SCAP: variants seen among roughly 807,000 people sequenced by gnomAD.
SCAP encodes the protein SREBF chaperone.
SCAP carries 65 observed loss-of-function variants against 123.6 expected under a neutral mutation model. The ratio of observed to expected loss-of-function variants is 0.53; its 90% confidence interval spans 0.43 to 0.65. The LOEUF (loss-of-function observed/expected upper bound fraction) is 0.65. SCAP is among the 30% of genes least tolerant of loss of function. The probability of loss-of-function intolerance (pLI) is 0.00; values close to 1 mark genes in which losing one functional copy is unlikely to be tolerated. For synonymous variants in SCAP, 740 were observed against 726.3 expected (o/e 1.02, Z -0.30); for missense variants, 1,398 against 1,712.5 (o/e 0.82, Z 3.24).
intron 1 of SCAP, among the ~76,000 whole-genome samples, chr3:47,464,134 G>C (rs555783498): frequency 6.6e-6 from 1 of 152,244 alleles, no homozygotes; most frequent in South Asian, 2.1e-4. Context: ...TCCTGCCTTA[G>C]CCTCCTGAGT....
rs1559554776 is a variant in SCAP at position 47,439,515 on chromosome 3, ACT to A, written c.122+3355_122+3356del. 6.6e-6 allele frequency among the ~76,000 whole-genome samples: 1 copy of A among 152,016 alleles called. No individual in the cohort carries two copies. The highest frequency in any genetic ancestry group is 1.5e-5 in the Non-Finnish European group (1 of 67,992). ...ATCAAATGTCTCAATGATTCACATC[ACT>A]CTCTGACCTGCACATAGGGCAGTCC... On this transcript the variant is annotated intron_variant, in intron 2 of 22. Transcript: ENST00000265565. The surrounding 1 kb of genome is among the most constrained non-coding windows in gnomAD (Gnocchi z 4.0).
intron 13 of SCAP, 108 bp from the exon 14 acceptor site, chr3:47,418,951 C>T (rs1705771503): frequency 1.5e-5 from 18 of 1,177,452 alleles, no homozygotes; most frequent in Admixed American, 9.3e-5. Context: ...TCAGCTCCAC[C>T]GGCCAGACTC....
At chr3:47,448,021 A>C (rs1271866159) in intron 1 of SCAP, among the ~76,000 whole-genome samples, 4 of 151,424 alleles carry the variant, frequency 2.6e-5, no homozygotes, top group African/African-American at 4.8e-5. Context: ...AAAAAAAAAA[A>C]AAAAAAAAAA....
chr3:47,435,161 A>T (rs1706519250), intron 2 of SCAP, 24 bp from the exon 3 acceptor site: 4 of 1,602,608 alleles, frequency 2.5e-6, no homozygotes, highest in Non-Finnish European at 3.4e-6. Flanking sequence ...AAAGGAGATA[A>T]GAATTAGACA....
Position 47,415,384 on chromosome 3 carries a change from G to A in SCAP, c.3057-204C>T, listed in dbSNP as rs543366249. Among the ~76,000 whole-genome samples the A allele has an allele frequency of 3.6e-4, 55 of 152,328 alleles. No homozygotes were observed. The South Asian group carries it at 9.3e-3, about 26-fold the overall frequency. ...ACCTTGTGCCTCAGTTTCTTCATCCGTAAAATGGGGATAAGAGTACCCACC... is the reference window on the plus strand; with the variant it reads ...ACCTTGTGCCTCAGTTTCTTCATCCATAAAATGGGGATAAGAGTACCCACC... On this transcript the variant is annotated intron_variant, in intron 18 of 22. Transcript: ENST00000265565.
chr3:47,418,737 C>G lies in SCAP; in HGVS notation c.2047G>C (p.Gly683Arg). The G allele has an allele frequency of 1.9e-6, 3 of 1,602,108 alleles. No homozygotes were observed. In the South Asian group the frequency reaches 3.4e-5, roughly 18 times the overall value. ...QDGRSAWPPPGPIPAGHWEAG... is the reference protein window; with the variant it reads ...QDGRSAWPPPRPIPAGHWEAG... ...TCCCAGTGCCCAGCAGGTATGGGCC[C>G]CGGTGGGGGCCAGGCACTGCGGCCG... The change falls in exon 14 of 23, where the codon GGG (glycine) becomes CGG (arginine). Residue 683 changes from glycine (G) to arginine (R), a missense_variant. By Grantham distance (125) the Gly-to-Arg change is moderately radical. Around this residue, in one of 7 missense-constraint regions of SCAP, gnomAD observed 828 missense variants for 882.5 expected, o/e 0.94. Coordinates refer to ENST00000265565, the MANE Select transcript of SCAP (RefSeq NM_012235.4).
Position 47,452,559 on chromosome 3 carries a change from G to A in SCAP, c.-98-9468C>T, listed in dbSNP as rs1180442795. On this transcript the variant is annotated intron_variant, in intron 1 of 22. Transcript: ENST00000265565. Reference sequence around the variant, plus strand: ...AAACAAGGAACACTTCATCCATCCTGTTCTTCACAAATGTCCCAATCTAAA... The same window carrying A: ...AAACAAGGAACACTTCATCCATCCTATTCTTCACAAATGTCCCAATCTAAA... Among the ~76,000 whole-genome samples, 3 of 152,188 alleles carry A rather than the reference G, an allele frequency of 2.0e-5. No homozygotes were observed. The East Asian group carries it at 5.8e-4, about 29-fold the overall frequency.
chr3:47,423,139 A>G (rs907096210), intron 9 of SCAP, among the ~76,000 whole-genome samples: 3 of 152,214 alleles, frequency 2.0e-5, no homozygotes, highest in Non-Finnish European at 4.4e-5. Flanking sequence ...GGTCTGGATG[A>G]ATGGACGGCT....
chr3:47,427,286 C>T, intron 5 of SCAP, 24 bp from the exon 6 acceptor site: 1 of 1,597,260 alleles, frequency 6.3e-7, no homozygotes, highest in East Asian at 2.2e-5. Flanking sequence ...CCAGCAGGTA[C>T]TGACACAGAA....
At chr3:47,472,818 C>A (rs1038474498) in intron 1 of SCAP, among the ~76,000 whole-genome samples, 6 of 152,058 alleles carry the variant, frequency 3.9e-5, no homozygotes, top group African/African-American at 1.4e-4. Context: ...CAGTGGCTCA[C>A]GCCTGTAATC....
At chr3:47,443,272 A>ACT (rs1706884295) in intron 1 of SCAP, 181 bp from the exon 2 acceptor site, 1 of 104,516 alleles carries the variant, frequency 9.6e-6, no homozygotes, top group African/African-American at 6.5e-5. Context: ...ACACACACAC[A>ACT]CACACTCTCT....
At chr3:47,474,736 G>A (rs1025987567) in intron 1 of SCAP, among the ~76,000 whole-genome samples, 7 of 152,158 alleles carry the variant, frequency 4.6e-5, no homozygotes, top group Non-Finnish European at 1.0e-4. Flanking sequence ...AATCAAGGCT[G>A]CAGTGAGCCG....
In SCAP at chr3:47,437,558, T is replaced by C. The variant is rs558214220; in HGVS notation, c.123-2421A>G. Among the ~76,000 whole-genome samples the C allele has an allele frequency of 6.0e-5, 9 of 149,404 alleles. No homozygotes were observed. The East Asian group carries it at 7.9e-4, about 13-fold the overall frequency. On this transcript the variant is annotated intron_variant, in intron 2 of 22. Transcript: ENST00000265565. ...GAGTTTGAGACCAGCCTGGGCAACA[T>C]GGTGAAACGCCATCCCTAAAAAAAA...
At chr3:47,457,165 C>T (rs1300248025) in intron 1 of SCAP, among the ~76,000 whole-genome samples, 1 of 152,188 alleles carries the variant, frequency 6.6e-6, no homozygotes, top group Non-Finnish European at 1.5e-5. Context: ...GGAATGGACA[C>T]ATGAGAAGTG....
At chr3:47,474,939 A>C (rs965367324) in intron 1 of SCAP, among the ~76,000 whole-genome samples, 1 of 152,206 alleles carries the variant, frequency 6.6e-6, no homozygotes, top group Non-Finnish European at 1.5e-5. Context: ...ACAGCAAACC[A>C]ATAAAGACAC....
intron 1 of SCAP, among the ~76,000 whole-genome samples, chr3:47,457,468 G>A (rs983148663): frequency 4.6e-5 from 7 of 152,118 alleles, no homozygotes; most frequent in Admixed American, 1.3e-4. Context: ...GTTCCCTAGA[G>A]CACCCAGCAC....
chr3:47,430,387 G>C (rs776936437), intron 3 of SCAP, among the ~76,000 whole-genome samples: 2 of 152,184 alleles, frequency 1.3e-5, no homozygotes, highest in Non-Finnish European at 2.9e-5. Context: ...GCATGTCGCG[G>C]AGCACCCCAA....
At position 47,418,751 on chromosome 3, in the gene SCAP, G is replaced by A. The variant is rs766773480; in HGVS notation, c.2033C>T (p.Ala678Val). 6.3e-7 allele frequency: 1 copy of A among 1,594,154 alleles called. No individual in the cohort carries two copies. Among genetic ancestry groups the A allele is most frequent in the East Asian group, 2.2e-5 (1 of 44,644 alleles). ...EGRHPQDGRSAWPPPGPIPAG... is the reference protein window; with the variant it reads ...EGRHPQDGRSVWPPPGPIPAG... The stretch of plus-strand genomic sequence containing the variant: ...AGGTATGGGCCCCGGTGGGGGCCAG[G>A]CACTGCGGCCGTCCTGAGGGTGCCG... Residue 678 changes from alanine (A) to valine (V), a missense_variant, in exon 14 of 23, where the codon GCC becomes GTC. Transcript: ENST00000265565.
At chr3:47,460,913 G>A (rs1426247339) in intron 1 of SCAP, among the ~76,000 whole-genome samples, 1 of 152,142 alleles carries the variant, frequency 6.6e-6, no homozygotes, top group African/African-American at 2.4e-5. Context: ...AAAGAGGGGA[G>A]GAGTTTGTGA....
Sources: gnomAD v4.1 joint callset for allele counts (sites outside exome capture counted in the v4.1 genomes callset) on GRCh38, gnomAD v4.1.1 for gene constraint, gnomAD v4.1.1 regional missense constraint, Gnocchi (gnomAD v3.1) non-coding constraint, MANE v1.5 for transcripts, NCBI Gene and HGNC (gene_info 2026-07-23, HGNC 2026-07-21) for gene names.